The following AGPAT1 variants were observed in gnomAD, a reference collection of about 807,000 sequenced individuals.
The protein encoded by AGPAT1 is 1-acylglycerol-3-phosphate O-acyltransferase 1, also known as 1-acyl-sn-glycerol-3-phosphate acyltransferase alpha.
In AGPAT1, 6 loss-of-function variants were observed where a neutral mutation model predicts 31.2. That is an observed-to-expected ratio of 0.19 (90% CI 0.11 to 0.38). AGPAT1 has a LOEUF of 0.38. AGPAT1 is among the 10% of genes least tolerant of loss of function. AGPAT1 has a pLI of 1.00. For missense variants in AGPAT1, 187 were observed against 377.8 expected (o/e 0.49, Z 4.19); for synonymous variants, 139 against 154.0 (o/e 0.90, Z 0.72).
In AGPAT1 at chr6:32,170,411, C is replaced by G. The variant is rs760921280; in HGVS notation, c.510+14G>C. The G allele has an allele frequency of 1.2e-6, 2 of 1,613,732 alleles. No homozygotes were observed. Among genetic ancestry groups the G allele is most frequent in the Non-Finnish European group, 1.7e-6 (2 of 1,180,036 alleles). ...TGTATCCCTCCAATCCCCCATTTCCCCAGGATGACTCACGTCCTGGGTGAG... is the reference window on the plus strand; with the variant it reads ...TGTATCCCTCCAATCCCCCATTTCCGCAGGATGACTCACGTCCTGGGTGAG... On this transcript the variant is annotated intron_variant, in intron 4 of 6. Coordinates refer to ENST00000375107, the MANE Select transcript of AGPAT1 (RefSeq NM_006411.4). The surrounding 1 kb of genome is among the most constrained non-coding windows in gnomAD (Gnocchi z 7.7).
At chr6:32,177,005 CA>C (rs1785619149), upstream of AGPAT1, 1 of 398,692 alleles carries the variant, frequency 2.5e-6, no homozygotes, top group Non-Finnish European at 4.4e-6. Flanking sequence ...TCCATCACTT[CA>C]CTCTCCTTCA....
chr6:32,170,699 A>G lies in AGPAT1; in HGVS notation c.335-99T>C. 1 of 1,460,028 alleles carries G rather than the reference A, an allele frequency of 6.8e-7. No individual in the cohort carries two copies. The highest frequency in any genetic ancestry group is 9.4e-7 in the Non-Finnish European group (1 of 1,059,308). The allele number at this position is 1,460,028 out of a possible 1,614,324, so 90.4% of individuals were successfully genotyped here. Reference sequence around the variant, plus strand: ...CTCATCACCCTCTGGTAGGGACTGGAGGTGAAGGAGGAGACTAGGCAGGGA... The same window carrying G: ...CTCATCACCCTCTGGTAGGGACTGGGGGTGAAGGAGGAGACTAGGCAGGGA... On this transcript the variant is annotated intron_variant, in intron 3 of 6. Transcript: ENST00000375107. This position sits in a 1 kb window ranked among gnomAD's most constrained non-coding sequence, Gnocchi z 7.7.
Position 32,174,120 on chromosome 6 carries a change from C to T in AGPAT1, c.-10+1694G>A, listed in dbSNP as rs1785330173. 1.3e-5 allele frequency among the ~76,000 whole-genome samples: 2 copies of T among 152,202 alleles called. No homozygotes were observed. The highest frequency in any genetic ancestry group is 1.3e-4 in the Admixed American group (2 of 15,272). ...TGTTGACTGGCGTTTTTGTTTCCCT[C>T]CTTAGGCTGTAAGCAGCTTAAGGAC... is the stretch of plus-strand genomic sequence containing the variant. On this transcript the variant is annotated intron_variant, in intron 1 of 6. Transcript: ENST00000375107. This position sits in a 1 kb window ranked among gnomAD's most constrained non-coding sequence, Gnocchi z 4.5.
upstream of AGPAT1, chr6:32,177,081 C>G (rs1414386266): frequency 2.5e-6 from 1 of 398,672 alleles, no homozygotes; most frequent in African/African-American, 2.1e-5. Context: ...CTCATCTGCC[C>G]CAGTCCTTCT....
In AGPAT1 at chr6:32,169,668, C is replaced by T. The variant is rs1482084265; in HGVS notation, c.680-220G>A. ...ACATCTCCTCAGCACCCCTCCAGCC[C>T]CCCTCCTCTGGGTTTGGCATTTACT... is the stretch of plus-strand genomic sequence containing the variant. On this transcript the variant is annotated intron_variant, in intron 6 of 6. Transcript: ENST00000375107. The surrounding 1 kb of genome is among the most constrained non-coding windows in gnomAD (Gnocchi z 5.9). Among the ~76,000 whole-genome samples, 1 of 152,202 alleles carries T rather than the reference C, an allele frequency of 6.6e-6. No individual in the cohort carries two copies. The highest frequency in any genetic ancestry group is 1.9e-4 in the East Asian group (1 of 5,202).
In AGPAT1 at chr6:32,175,488, C is replaced by A. The variant is rs1181382999; in HGVS notation, c.-10+326G>T. 6.6e-6 allele frequency among the ~76,000 whole-genome samples: 1 copy of A among 152,116 alleles called. No individual in the cohort carries two copies. The highest frequency in any genetic ancestry group is 1.5e-5 in the Non-Finnish European group (1 of 68,020). ...CTGCTGGCCTTCTCCCCTCATGACC[C>A]TTCAAGAGTCATGTGGGGTCAAAGG... On this transcript the variant is annotated intron_variant, in intron 1 of 6. Coordinates refer to ENST00000375107, the MANE Select transcript of AGPAT1 (RefSeq NM_006411.4). This position sits in a 1 kb window ranked among gnomAD's most constrained non-coding sequence, Gnocchi z 4.5.
chr6:32,174,885 T>C lies in AGPAT1; in HGVS notation c.-10+929A>G, dbSNP rs1052397530. On this transcript the variant is annotated intron_variant, in intron 1 of 6. Coordinates refer to ENST00000375107, the MANE Select transcript of AGPAT1 (RefSeq NM_006411.4). This position sits in a 1 kb window ranked among gnomAD's most constrained non-coding sequence, Gnocchi z 4.5. ...ATTCTATGGTCCTGTTACATCAGTG[T>C]ATCATGCAAAGGCGCATACACATGT... Among the ~76,000 whole-genome samples the C allele has an allele frequency of 3.2e-4, 49 of 152,320 alleles. No homozygotes were observed. The highest frequency in any genetic ancestry group is 1.2e-3 in the African/African-American group (49 of 41,570).
chr6:32,170,748 G>A lies in AGPAT1; in HGVS notation c.335-148C>T. ...GAGGGGGGCCCCAAGTGAAGGAAAG[G>A]GTGACCAAAAGTATATGTAACCTGC... On this transcript the variant is annotated intron_variant, in intron 3 of 6. Coordinates refer to ENST00000375107, the MANE Select transcript of AGPAT1 (RefSeq NM_006411.4). This position sits in a 1 kb window ranked among gnomAD's most constrained non-coding sequence, Gnocchi z 7.7. 1 of 1,269,326 alleles carries A rather than the reference G, an allele frequency of 7.9e-7. No homozygotes were observed. The highest frequency in any genetic ancestry group is 2.3e-5 in the East Asian group (1 of 43,084). The allele number at this position is 1,269,326 out of a possible 1,614,324, so 78.6% of individuals were successfully genotyped here.
At chr6:32,176,640 T>TC (rs1561856314), upstream of AGPAT1, 1 of 409,994 alleles carries the variant, frequency 2.4e-6, no homozygotes, top group Non-Finnish European at 3.3e-6. Context: ...GCAGTCCAGC[T>TC]CCCCCCTCCA....
rs1277443736 is a variant in AGPAT1, at chr6:32,170,606, G to A, written c.335-6C>T. The A allele has an allele frequency of 6.2e-7, 1 of 1,610,562 alleles. No individual in the cohort carries two copies. Among genetic ancestry groups the A allele is most frequent in the African/African-American group, 1.3e-5 (1 of 75,062 alleles). The stretch of plus-strand genomic sequence containing the variant: ...TGGCAGTACCTCCATCATCCCTTGG[G>A]CAGGGTGGGAGTGGGTGAGGATCGG... On this transcript the variant is annotated splice_polypyrimidine_tract_variant and splice_region_variant and intron_variant, in intron 3 of 6. Coordinates refer to ENST00000375107, the MANE Select transcript of AGPAT1 (RefSeq NM_006411.4). The surrounding 1 kb of genome is among the most constrained non-coding windows in gnomAD (Gnocchi z 7.7).
upstream of AGPAT1, chr6:32,177,382 A>C: frequency 6.5e-6 from 2 of 308,978 alleles, no homozygotes; most frequent in Admixed American, 5.0e-5. Flanking sequence ...GTCTCCTTAA[A>C]AGGGGCGGGC....
At position 32,169,524 on chromosome 6, in the gene AGPAT1, T is replaced by C. The variant is rs1337409086; in HGVS notation, c.680-76A>G. The C allele has an allele frequency of 3.9e-6, 6 of 1,542,434 alleles. No individual in the cohort carries two copies. Among genetic ancestry groups the C allele is most frequent in the African/African-American group, 1.4e-5 (1 of 73,780 alleles). ...CAGGTGGGGCCCAGCTTCCGAGTGA[T>C]ACTCTTCCTCAACCTTTCAGTTCTC... On this transcript the variant is annotated intron_variant, in intron 6 of 6. Transcript: ENST00000375107. This position sits in a 1 kb window ranked among gnomAD's most constrained non-coding sequence, Gnocchi z 5.9.
rs1364959485 is a variant in AGPAT1 at position 32,175,582 on chromosome 6, C to T, written c.-10+232G>A. Among the ~76,000 whole-genome samples the T allele has an allele frequency of 1.3e-5, 2 of 151,994 alleles. No homozygotes were observed. Among genetic ancestry groups the T allele is most frequent in the South Asian group, 2.1e-4 (1 of 4,824 alleles). ...GGATTCCCTGTGCACGCTCCCAGTCCCAAATTCACAAGGGTTTCCATTTCT... is the reference window on the plus strand; with the variant it reads ...GGATTCCCTGTGCACGCTCCCAGTCTCAAATTCACAAGGGTTTCCATTTCT... On this transcript the variant is annotated intron_variant, in intron 1 of 6. Coordinates refer to ENST00000375107, the MANE Select transcript of AGPAT1 (RefSeq NM_006411.4). This position sits in a 1 kb window ranked among gnomAD's most constrained non-coding sequence, Gnocchi z 4.5.
chr6:32,170,291 A>G lies in AGPAT1; in HGVS notation c.511-31T>C. 6.2e-7 allele frequency: 1 copy of G among 1,607,900 alleles called. No homozygotes were observed. The highest frequency in any genetic ancestry group is 8.5e-7 in the Non-Finnish European group (1 of 1,176,398). Reference sequence around the variant, plus strand: ...GGAGAAAGAGGGTCAAAGAAGACAAATACATATGGAGGAGTCAGAATAGGT... The same window carrying G: ...GGAGAAAGAGGGTCAAAGAAGACAAGTACATATGGAGGAGTCAGAATAGGT... On this transcript the variant is annotated intron_variant, in intron 4 of 6. Transcript: ENST00000375107. The surrounding 1 kb of genome is among the most constrained non-coding windows in gnomAD (Gnocchi z 7.7).
In AGPAT1 at chr6:32,171,563, C is replaced by T. The variant is rs1014178673; in HGVS notation, c.-9-58G>A. 4.6e-6 allele frequency: 7 copies of T among 1,532,622 alleles called. No homozygotes were observed. The African/African-American group carries it at 9.6e-5, about 21-fold the overall frequency. The allele number at this position is 1,532,622 out of a possible 1,614,324, so 94.9% of individuals were successfully genotyped here. A position where few individuals can be genotyped will look rare whatever the true frequency, so the allele number is the denominator to read the frequency against. ...GGTTTCTGGAGGAGAGTGGGGTAGG[C>T]AAGGCACAGAAGGCAGGGCTGGGGG... On this transcript the variant is annotated intron_variant, in intron 1 of 6. Coordinates refer to ENST00000375107, the MANE Select transcript of AGPAT1 (RefSeq NM_006411.4). The surrounding 1 kb of genome is among the most constrained non-coding windows in gnomAD (Gnocchi z 6.9).
Position 32,169,252 on chromosome 6 carries a change from GGGA to G in AGPAT1, c.*21_*23del, listed in dbSNP as rs1235140808. On this transcript the variant is annotated 3_prime_UTR_variant, in exon 7 of 7. Coordinates refer to ENST00000375107, the MANE Select transcript of AGPAT1 (RefSeq NM_006411.4). This position sits in a 1 kb window ranked among gnomAD's most constrained non-coding sequence, Gnocchi z 5.9. ...TGTGGGGAGGAAGATGGGGACAGAT[GGGA>G]GGAGAGCTCAGAGCCAGGGTTCACC... 6.2e-7 allele frequency: 1 copy of G among 1,610,206 alleles called. No individual in the cohort carries two copies.
rs3131297 is a variant in AGPAT1, at chr6:32,173,228, A to T, written c.-9-1723T>A. The stretch of plus-strand genomic sequence containing the variant: ...GTAACAATTCACAAAAAGGGTGTTC[A>T]GGCAAATACCTGTCATTCCTACTGA... On this transcript the variant is annotated intron_variant, in intron 1 of 6. Coordinates refer to ENST00000375107, the MANE Select transcript of AGPAT1 (RefSeq NM_006411.4). The surrounding 1 kb of genome is among the most constrained non-coding windows in gnomAD (Gnocchi z 4.7). 27,514 of 152,188 alleles carry T rather than the reference A, an allele frequency of 0.18. 2,635 individuals carry two copies. The highest frequency in any genetic ancestry group is 0.21 in the Non-Finnish European group (14,385 of 67,986). 9.4% of individuals were successfully genotyped at this position (152,188 alleles called of 1,614,324 possible).
Position 32,173,950 on chromosome 6 carries a change from G to A in AGPAT1, c.-10+1864C>T, listed in dbSNP as rs2127420053. 6.6e-6 allele frequency among the ~76,000 whole-genome samples: 1 copy of A among 152,190 alleles called. No homozygotes were observed. The highest frequency in any genetic ancestry group is 1.9e-4 in the East Asian group (1 of 5,188). ...TGGTTTTGAACTCCTGGACTCACGC[G>A]ATCCTCCTGCCTCAGCCTTCCAAAC... On this transcript the variant is annotated intron_variant, in intron 1 of 6. Transcript: ENST00000375107. The surrounding 1 kb of genome is among the most constrained non-coding windows in gnomAD (Gnocchi z 4.7).
At position 32,171,183 on chromosome 6, in the gene AGPAT1, C is replaced by T; in HGVS notation, c.201-113G>A. 1.3e-6 allele frequency: 2 copies of T among 1,591,864 alleles called. No homozygotes were observed. Among genetic ancestry groups the T allele is most frequent in the Non-Finnish European group, 1.7e-6 (2 of 1,166,840 alleles). The stretch of plus-strand genomic sequence containing the variant: ...CACCTTTGCAGTCCTCTCCCCATTC[C>T]CTGTCTCTGGTCTCTCTCAGTCTTT... On this transcript the variant is annotated intron_variant, in intron 2 of 6. Transcript: ENST00000375107. This position sits in a 1 kb window ranked among gnomAD's most constrained non-coding sequence, Gnocchi z 6.9.
Sources: allele counts gnomAD v4.1 joint callset (sites outside exome capture counted in the v4.1 genomes callset), GRCh38; gene constraint gnomAD v4.1.1; non-coding constraint Gnocchi (gnomAD v3.1); transcripts MANE v1.5; gene names NCBI Gene and HGNC (gene_info 2026-07-23, HGNC 2026-07-21).